The following SPI1 variants were observed in gnomAD, a reference collection of about 807,000 sequenced individuals.
The protein encoded by SPI1 is transcription factor PU.1.
SPI1 carries 3 observed loss-of-function variants against 30.7 expected under a neutral mutation model. The observed-to-expected ratio is 0.10, with a 90% confidence interval of 0.04 to 0.25. The LOEUF is 0.25. SPI1 is among the 10% of genes least tolerant of loss of function. The pLI is 1.00. For synonymous variants in SPI1, 169 were observed against 157.1 expected (o/e 1.08, Z -0.56); for missense variants, 261 against 371.5 (o/e 0.70, Z 2.45).
chr11:47,357,456 G>A (rs900591035), intron 4 of SPI1, among the ~76,000 whole-genome samples: 1 of 150,710 alleles, frequency 6.6e-6, no homozygotes, highest in African/African-American at 2.4e-5. Flanking sequence ...CAACCACTCA[G>A]ACACCTACTT....
chr11:47,368,103 C>T (rs2095931043), intron 2 of SPI1, among the ~76,000 whole-genome samples: 1 of 152,152 alleles, frequency 6.6e-6, no homozygotes, highest in Admixed American at 6.5e-5. Flanking sequence ...CAGTGGCTCA[C>T]ACCTGTATTC....
chr11:47,365,738 C>T (rs1198362995), intron 2 of SPI1, among the ~76,000 whole-genome samples: 1 of 152,126 alleles, frequency 6.6e-6, no homozygotes, highest in African/African-American at 2.4e-5. Context: ...ATGCTTTCGC[C>T]CAGACTGGAA....
At chr11:47,364,910 A>G (rs758341115) in intron 2 of SPI1, among the ~76,000 whole-genome samples, 1 of 152,128 alleles carries the variant, frequency 6.6e-6, no homozygotes, top group Non-Finnish European at 1.5e-5. Flanking sequence ...GTGCTCACAA[A>G]AACTCTGGAA....
At chr11:47,376,454 A>T (rs2095942398) in intron 1 of SPI1, among the ~76,000 whole-genome samples, 1 of 152,066 alleles carries the variant, frequency 6.6e-6, no homozygotes, top group Admixed American at 6.5e-5. Context: ...CGGTTGGTGC[A>T]GGGGTCACCC....
chr11:47,364,235 A>G (rs2095925226), intron 2 of SPI1, among the ~76,000 whole-genome samples: 1 of 151,800 alleles, frequency 6.6e-6, no homozygotes, highest in Non-Finnish European at 1.5e-5. Context: ...ATTTTTTAGT[A>G]GAGACGGGTT....
intron 2 of SPI1, among the ~76,000 whole-genome samples, chr11:47,361,725 G>A (rs1360361739): frequency 6.6e-6 from 1 of 152,130 alleles, no homozygotes; most frequent in African/African-American, 2.4e-5. Flanking sequence ...ATGTCTGCCT[G>A]CATCTCTCTT....
rs1270399691 is a variant in SPI1, at chr11:47,375,619, G to A, written c.142+14C>T. 5.6e-6 allele frequency: 9 copies of A among 1,605,324 alleles called. No homozygotes were observed. Among genetic ancestry groups the A allele is most frequent in the African/African-American group, 2.7e-5 (2 of 74,774 alleles). Reference sequence around the variant, plus strand: ...TGGGCTGGGGGATGGGGGCGTGGCAGGCCCCGTACTCACCGCTATGGCTCT... The same window carrying A: ...TGGGCTGGGGGATGGGGGCGTGGCAAGCCCCGTACTCACCGCTATGGCTCT... On this transcript the variant is annotated intron_variant, in intron 2 of 4. Coordinates refer to ENST00000378538, the MANE Select transcript of SPI1 (RefSeq NM_003120.3). This position sits in a 1 kb window ranked among gnomAD's most constrained non-coding sequence, Gnocchi z 4.2.
intron 2 of SPI1, among the ~76,000 whole-genome samples, chr11:47,373,005 G>A (rs577895818): frequency 2.0e-5 from 3 of 152,288 alleles, no homozygotes; most frequent in South Asian, 4.1e-4. Context: ...TGACAGAAGT[G>A]TGTGGGGGTC....
chr11:47,361,522 A>G (rs1477203952), intron 2 of SPI1, among the ~76,000 whole-genome samples: 1 of 152,152 alleles, frequency 6.6e-6, no homozygotes, highest in Non-Finnish European at 1.5e-5. Flanking sequence ...AGGAACAAAA[A>G]CTGCCACACA....
At chr11:47,370,141 G>A (rs185503616) in intron 2 of SPI1, among the ~76,000 whole-genome samples, 111 of 152,358 alleles carry the variant, frequency 7.3e-4, no homozygotes, top group African/African-American at 2.6e-3. Context: ...AGTGGCTCAC[G>A]CCTGTAATCC....
Position 47,355,226 on chromosome 11 carries a change from C to T in SPI1, c.*1G>A. The T allele has an allele frequency of 4.4e-6, 6 of 1,374,612 alleles. No homozygotes were observed. Among genetic ancestry groups the T allele is most frequent in the Non-Finnish European group, 5.6e-6 (6 of 1,069,926 alleles). 85.2% of individuals were successfully genotyped at this position (1,374,612 alleles called of 1,614,324 possible). A position where few individuals can be genotyped will look rare whatever the true frequency, so the allele number is the denominator to read the frequency against. ...GGCGGGGCCCGGCGGGGGCTGCGGG[C>T]TCAGTGGGGCGGGTGGCGCCGCTCG... On this transcript the variant is annotated 3_prime_UTR_variant, in exon 5 of 5. Coordinates refer to ENST00000378538, the MANE Select transcript of SPI1 (RefSeq NM_003120.3).
chr11:47,364,490 C>T (rs975789580), intron 2 of SPI1, among the ~76,000 whole-genome samples: 11 of 152,026 alleles, frequency 7.2e-5, no homozygotes, highest in Non-Finnish European at 1.5e-4. Flanking sequence ...CCTGCTTCAG[C>T]CCCACTTCTG....
chr11:47,362,609 A>C (rs1595858826), intron 2 of SPI1, among the ~76,000 whole-genome samples: 1 of 121,896 alleles, frequency 8.2e-6, no homozygotes, highest in Non-Finnish European at 1.6e-5. Flanking sequence ...ATGAAGTCTC[A>C]CTCTTGCCCA....
rs568100061 is a variant in SPI1, at chr11:47,358,486, A to G, written c.493+358T>C. ...CACTCTCAGCCACACCAGCTCTCAC[A>G]TTCACCTTCTCACACACCCACTCAC... is the stretch of plus-strand genomic sequence containing the variant. On this transcript the variant is annotated intron_variant, in intron 4 of 4. Coordinates refer to ENST00000378538, the MANE Select transcript of SPI1 (RefSeq NM_003120.3). The G allele has an allele frequency of 2.1e-5, 14 of 651,174 alleles. No homozygotes were observed. The East Asian group carries it at 3.3e-4, about 15-fold the overall frequency. The allele number at this position is 651,174 out of a possible 1,614,324, so 40.3% of individuals were successfully genotyped here.
intron 2 of SPI1, among the ~76,000 whole-genome samples, chr11:47,367,389 A>G (rs2095929848): frequency 6.6e-6 from 1 of 151,946 alleles, no homozygotes; most frequent in South Asian, 2.1e-4. Context: ...CCCCGTCTCT[A>G]CTAGAAATAC....
chr11:47,358,742 C>T lies in SPI1; in HGVS notation c.493+102G>A, dbSNP rs750762748. On this transcript the variant is annotated intron_variant, in intron 4 of 4. Coordinates refer to ENST00000378538, the MANE Select transcript of SPI1 (RefSeq NM_003120.3). ...GCAAACATGCACACACACACACACGCGACTCGGTGGCGTGGCTGCTGGGTC... is the reference window on the plus strand; with the variant it reads ...GCAAACATGCACACACACACACACGTGACTCGGTGGCGTGGCTGCTGGGTC... 461 of 1,184,396 alleles carry T rather than the reference C, an allele frequency of 3.9e-4. 1 individual carries two copies. The highest frequency in any genetic ancestry group is 3.5e-4 in the Non-Finnish European group (284 of 820,728). The allele number at this position is 1,184,396 out of a possible 1,614,324, so 73.4% of individuals were successfully genotyped here.
intron 1 of SPI1, among the ~76,000 whole-genome samples, chr11:47,378,004 C>CTCA (rs1293037790): frequency 1.3e-5 from 2 of 152,224 alleles, no homozygotes; most frequent in African/African-American, 4.8e-5. Context: ...CTTCACCATC[C>CTCA]TCAGCCCAGC....
chr11:47,356,493 T>G (rs1371756091), intron 4 of SPI1, among the ~76,000 whole-genome samples: 3 of 142,870 alleles, frequency 2.1e-5, no homozygotes, highest in African/African-American at 8.0e-5. Context: ...CCAATGCACC[T>G]TCTCACACTC....
At chr11:47,367,871 C>T (rs1006877773) in intron 2 of SPI1, among the ~76,000 whole-genome samples, 1 of 148,790 alleles carries the variant, frequency 6.7e-6, no homozygotes, top group African/African-American at 2.5e-5. Flanking sequence ...CATTCTCCTG[C>T]GTCAGCCTCC....
Sources: gnomAD v4.1 joint callset for allele counts (sites outside exome capture counted in the v4.1 genomes callset) on GRCh38, gnomAD v4.1.1 for gene constraint, Gnocchi (gnomAD v3.1) non-coding constraint, MANE v1.5 for transcripts, NCBI Gene and HGNC (gene_info 2026-07-23, HGNC 2026-07-21) for gene names.